The following CSF2RB variants were observed in gnomAD, a reference collection of about 807,000 sequenced individuals.
CSF2RB encodes cytokine receptor common subunit beta.
CSF2RB carries 22 observed loss-of-function variants against 67.2 expected under a neutral mutation model. The ratio of observed to expected loss-of-function variants is 0.33; its 90% CI spans 0.23 to 0.47. The LOEUF is 0.47. CSF2RB is among the 20% of genes least tolerant of loss of function. The pLI is 1.00. For missense variants in CSF2RB, 1,113 were observed against 1,174.5 expected (o/e 0.95, Z 0.76); for synonymous variants, 507 against 482.9 (o/e 1.05, Z -0.65).
chr22:36,924,062 A>C (rs1291997583), intron 3 of CSF2RB, among the ~76,000 whole-genome samples: 1 of 152,074 alleles, frequency 6.6e-6, no homozygotes, highest in Non-Finnish European at 1.5e-5. Flanking sequence ...GGCAGATGAC[A>C]ACCCATTGGA....
chr22:36,937,761 C>G lies in CSF2RB; in HGVS notation c.1953C>G (p.Ala651=), dbSNP rs774057390. The G allele has an allele frequency of 1.3e-6, 2 of 1,573,738 alleles. No individual in the cohort carries two copies. Among genetic ancestry groups the G allele is most frequent in the African/African-American group, 2.7e-5 (2 of 74,246 alleles). ...PLAQAMGPGQ[A]VEVERRPSQG... Reference sequence around the variant, plus strand: ...CCCAGGCGATGGGACCAGGACAGGCCGTGGAAGTGGAGAGAAGGCCGAGCC... The same window carrying G: ...CCCAGGCGATGGGACCAGGACAGGCGGTGGAAGTGGAGAGAAGGCCGAGCC... Residue 651 remains alanine, a synonymous_variant, in exon 14 of 14, where the codon GCC becomes GCG. Transcript: ENST00000403662. The surrounding 1 kb of genome is among the most constrained non-coding windows in gnomAD (Gnocchi z 4.6).
chr22:36,928,916 AGGAATGAG>A (rs1419681123), intron 4 of CSF2RB, among the ~76,000 whole-genome samples: 4 of 152,220 alleles, frequency 2.6e-5, no homozygotes, highest in Non-Finnish European at 4.4e-5. Context: ...AAATGAGAGA[AGGAATGAG>A]GGATTCCGCC....
chr22:36,923,397 G>A (rs777557495), intron 3 of CSF2RB, 30 bp downstream of exon 3: 3 of 1,610,018 alleles, frequency 1.9e-6, no homozygotes, highest in Admixed American at 1.7e-5. Context: ...GGGGCCACGG[G>A]CAGGGGCTAC....
chr22:36,937,672 C>T lies in CSF2RB; in HGVS notation c.1864C>T (p.Pro622Ser). The change falls in exon 14 of 14, where the codon CCT becomes TCT. Residue 622 changes from proline (P) to serine (S), a missense_variant. Pro to Ser is a moderately conservative substitution (Grantham distance 74). This residue lies in a region of CSF2RB where 554 missense variants were observed against 517.9 expected (regional missense o/e 1.07). Coordinates refer to ENST00000403662, the MANE Select transcript of CSF2RB (RefSeq NM_000395.3). This position sits in a 1 kb window ranked among gnomAD's most constrained non-coding sequence, Gnocchi z 4.6. ...PQEGGSQKSP[P>S]PGSLEYLCLP... The stretch of plus-strand genomic sequence containing the variant: ...GGAGGGTGGGAGCCAGAAGTCCCCA[C>T]CTCCAGGGTCCCTGGAGTACCTGTG... 6.4e-7 allele frequency: 1 copy of T among 1,554,216 alleles called. No homozygotes were observed. The highest frequency in any genetic ancestry group is 8.7e-7 in the Non-Finnish European group (1 of 1,148,544).
At chr22:36,934,379 G>A (rs1404080271) in intron 10 of CSF2RB, among the ~76,000 whole-genome samples, 1 of 152,228 alleles carries the variant, frequency 6.6e-6, no homozygotes, top group Non-Finnish European at 1.5e-5. Flanking sequence ...TCGTTGGAAA[G>A]TGACACCTGG....
Position 36,922,034 on chromosome 22 carries a change from A to G in CSF2RB, c.-172-2A>G. ...GCTCACTGCTGACATCTCCTTCTGC[A>G]GGCCTGGAGGAGGCAGAGGCCAGGA... On this transcript the variant is annotated splice_acceptor_variant, in intron 1 of 13. Transcript: ENST00000403662. LOFTEE classifies it low-confidence loss of function (5UTR_SPLICE). 1 of 624,692 alleles carries G rather than the reference A, an allele frequency of 1.6e-6. No individual in the cohort carries two copies. Among genetic ancestry groups the G allele is most frequent in the Non-Finnish European group, 2.9e-6 (1 of 346,048 alleles). 38.7% of individuals were successfully genotyped at this position (624,692 alleles called of 1,614,324 possible).
intron 2 of CSF2RB, 130 bp downstream of exon 2, chr22:36,922,413 C>T: frequency 1.2e-6 from 1 of 803,972 alleles, no homozygotes; most frequent in Non-Finnish European, 2.1e-6. Flanking sequence ...TGTCTCTCCC[C>T]CTGGCCTTCC....
At chr22:36,917,086 G>A (rs1038114502) in intron 1 of CSF2RB, among the ~76,000 whole-genome samples, 8 of 152,096 alleles carry the variant, frequency 5.3e-5, no homozygotes, top group East Asian at 1.9e-4. Context: ...CAACGTTTCC[G>A]CCACTGCTTC....
At chr22:36,928,232 G>A (rs764639917) in intron 4 of CSF2RB, among the ~76,000 whole-genome samples, 48 of 152,264 alleles carry the variant, frequency 3.2e-4, no homozygotes, top group Admixed American at 3.3e-4. Context: ...GAGTTTCTCC[G>A]TCTGTGAAAT....
intron 9 of CSF2RB, among the ~76,000 whole-genome samples, chr22:36,933,413 G>A (rs1420942494): frequency 1.3e-5 from 2 of 152,168 alleles, no homozygotes; most frequent in East Asian, 1.9e-4. Context: ...TAGGAGGGAG[G>A]TGGGCCAGTG....
chr22:36,939,346 G>T lies in CSF2RB; in HGVS notation c.*844G>T. On this transcript the variant is annotated 3_prime_UTR_variant, in exon 14 of 14. Transcript: ENST00000403662. ...CACGTCTACTGCGGAAAAGTCAGGG[G>T]AAACTGCCAAACAAAGGAAAATGCC... is the stretch of plus-strand genomic sequence containing the variant. The T allele has an allele frequency of 1.4e-6, 1 of 691,602 alleles. No homozygotes were observed. The highest frequency in any genetic ancestry group is 2.1e-5 in the Admixed American group (1 of 48,500). The allele number at this position is 691,602 out of a possible 1,614,324, so 42.8% of individuals were successfully genotyped here. A position where few individuals can be genotyped will look rare whatever the true frequency, so the allele number is the denominator to read the frequency against.
chr22:36,922,764 C>A, intron 2 of CSF2RB: 1 of 283,100 alleles, frequency 3.5e-6, no homozygotes, highest in Non-Finnish European at 6.9e-6. Flanking sequence ...TCCCAGAGAC[C>A]TGGCTTCTGT....
At chr22:36,934,334 C>A (rs1941224136) in intron 10 of CSF2RB, among the ~76,000 whole-genome samples, 1 of 152,188 alleles carries the variant, frequency 6.6e-6, no homozygotes, top group Admixed American at 6.5e-5. Flanking sequence ...AGACCCCACT[C>A]CACTCAGGCC....
At position 36,922,249 on chromosome 22, in the gene CSF2RB, C is replaced by T; in HGVS notation, c.42C>T (p.Ala14=). The change falls in exon 2 of 14, where the codon GCC becomes GCT. Residue 14 remains alanine (A), a synonymous_variant. Coordinates refer to ENST00000403662, the MANE Select transcript of CSF2RB (RefSeq NM_000395.3). The part of the protein sequence containing the change: ...AQGLLSMALL[A]LCWERSLAGA... ...GGCTGCTCTCCATGGCCCTGCTGGC[C>T]CTGTGCTGGGAGCGCAGCCTGGCAG... 2 of 1,588,118 alleles carry T rather than the reference C, an allele frequency of 1.3e-6. No individual in the cohort carries two copies. Among genetic ancestry groups the T allele is most frequent in the Non-Finnish European group, 1.7e-6 (2 of 1,167,806 alleles).
Position 36,938,264 on chromosome 22 carries a change from T to C in CSF2RB, c.2456T>C (p.Val819Ala), listed in dbSNP as rs1601595641. 6.2e-7 allele frequency: 1 copy of C among 1,614,194 alleles called. No homozygotes were observed. The highest frequency in any genetic ancestry group is 2.2e-5 in the East Asian group (1 of 44,884). The change falls in exon 14 of 14, where the codon GTG becomes GCG. Residue 819 changes from valine to alanine, a missense_variant. Coordinates refer to ENST00000403662, the MANE Select transcript of CSF2RB (RefSeq NM_000395.3). Reference protein sequence around the residue: ...QPEGLLVLQQVGDYCFLPGLG... With the variant: ...QPEGLLVLQQAGDYCFLPGLG... ...GAGGGCCTCCTTGTCCTGCAGCAAG[T>C]GGGCGACTATTGCTTCCTCCCCGGC...
chr22:36,925,624 C>G (rs749456825), intron 3 of CSF2RB, among the ~76,000 whole-genome samples: 1 of 152,198 alleles, frequency 6.6e-6, no homozygotes, highest in Non-Finnish European at 1.5e-5. Flanking sequence ...TCCTGAAATC[C>G]TCACAATTTG....
chr22:36,914,076 A>T (rs1601571690), intron 1 of CSF2RB, among the ~76,000 whole-genome samples: 1 of 152,060 alleles, frequency 6.6e-6, no homozygotes, highest in East Asian at 1.9e-4. Flanking sequence ...CCCCCTGTCC[A>T]CCCTGGGCTT....
intron 1 of CSF2RB, among the ~76,000 whole-genome samples, chr22:36,919,305 T>C (rs147878479): frequency 1.3e-5 from 2 of 152,374 alleles, no homozygotes; most frequent in Non-Finnish European, 2.9e-5. Context: ...TAAAGTTTTC[T>C]CTAAGACTTT....
At chr22:36,934,935 G>A (rs1941236311) in intron 10 of CSF2RB, among the ~76,000 whole-genome samples, 1 of 152,128 alleles carries the variant, frequency 6.6e-6, no homozygotes, top group Non-Finnish European at 1.5e-5. Flanking sequence ...GGGGCCTCTG[G>A]AGGGGCCTTT....
Sources: allele counts gnomAD v4.1 joint callset (sites outside exome capture counted in the v4.1 genomes callset), GRCh38; gene constraint gnomAD v4.1.1; regional missense constraint gnomAD v4.1.1; non-coding constraint Gnocchi (gnomAD v3.1); transcripts MANE v1.5; gene names NCBI Gene and HGNC (gene_info 2026-07-23, HGNC 2026-07-21).